Variants in RAB38 observed in about 807,000 individuals in gnomAD.
RAB38 encodes the protein ras-related protein Rab-38.
RAB38 carries 15 observed loss-of-function variants against 18.4 expected under a neutral mutation model. The ratio of observed to expected loss-of-function variants is 0.82; its 90% confidence interval spans 0.55 to 1.26. The LOEUF (loss-of-function observed/expected upper bound fraction) is 1.26, where lower values mean the gene tolerates loss of function less well. RAB38 is among the 50% of genes most tolerant of loss of function. The pLI is 0.00. For missense variants in RAB38, 294 were observed against 267.4 expected (o/e 1.10, Z -0.69); for synonymous variants, 101 against 104.4 (o/e 0.97, Z 0.20).
chr11:88,052,937 T>A, the RAB38 span, among the ~76,000 whole-genome samples: 1 of 111,406 alleles, frequency 9.0e-6, no homozygotes, highest in Admixed American at 1.1e-4. Context: ...TATATATATA[T>A]ATATATAAAT....
At chr11:87,966,403 A>G in the RAB38 span, among the ~76,000 whole-genome samples, 1 of 152,168 alleles carries the variant, frequency 6.6e-6, no homozygotes, top group Non-Finnish European at 1.5e-5. Flanking sequence ...CTGGGCTCCA[A>G]GGGAAAAGAG....
At chr11:87,886,444 G>C in the RAB38 span, among the ~76,000 whole-genome samples, 2 of 151,860 alleles carry the variant, frequency 1.3e-5, no homozygotes, top group African/African-American at 4.8e-5. Context: ...CCAGGGTTGG[G>C]CTTGAATTTC....
chr11:87,900,727 G>A, the RAB38 span, among the ~76,000 whole-genome samples: 5 of 149,930 alleles, frequency 3.3e-5, no homozygotes, highest in Non-Finnish European at 3.0e-5. Flanking sequence ...AGGTAGGGAA[G>A]AAGGAAGAGG....
the RAB38 span, among the ~76,000 whole-genome samples, chr11:88,088,735 G>A: frequency 5.9e-3 from 902 of 151,942 alleles, 5 homozygotes; most frequent in Non-Finnish European, 9.4e-3. Context: ...TGAGAATGAA[G>A]GTGGGCAGGT....
chr11:87,941,125 G>T, the RAB38 span, among the ~76,000 whole-genome samples: 1 of 146,374 alleles, frequency 6.8e-6, no homozygotes, highest in African/African-American at 2.5e-5. Flanking sequence ...TATATTAGAC[G>T]CTAATTATTT....
the RAB38 span, among the ~76,000 whole-genome samples, chr11:87,934,432 C>T: frequency 6.6e-6 from 1 of 152,028 alleles, no homozygotes; most frequent in African/African-American, 2.4e-5. Flanking sequence ...ATATGCTAAC[C>T]TCATAGGTAG....
chr11:87,887,498 G>T, the RAB38 span, among the ~76,000 whole-genome samples: 1 of 151,944 alleles, frequency 6.6e-6, no homozygotes, highest in African/African-American at 2.4e-5. Context: ...TAAAGTCTGA[G>T]CACCCTGGGT....
chr11:88,065,569 T>C, the RAB38 span, among the ~76,000 whole-genome samples: 6 of 152,172 alleles, frequency 3.9e-5, no homozygotes, highest in Non-Finnish European at 7.3e-5. Context: ...CATTTCATAG[T>C]AGGGAACAGA....
At chr11:87,902,755 G>T in the RAB38 span, among the ~76,000 whole-genome samples, 1 of 151,044 alleles carries the variant, frequency 6.6e-6, no homozygotes. Flanking sequence ...TTATGTCTAA[G>T]CGTTTTGCAT....
At chr11:87,881,136 G>T in the RAB38 span, among the ~76,000 whole-genome samples, 1 of 151,748 alleles carries the variant, frequency 6.6e-6, no homozygotes, top group African/African-American at 2.4e-5. Flanking sequence ...GAGACATCAT[G>T]CCCAGACTGC....
chr11:87,864,963 A>G, the RAB38 span, among the ~76,000 whole-genome samples: 1 of 151,790 alleles, frequency 6.6e-6, no homozygotes, highest in Non-Finnish European at 1.5e-5. Flanking sequence ...TTATAATTTG[A>G]TTGAGTAAAC....
At chr11:87,920,862 G>T in the RAB38 span, among the ~76,000 whole-genome samples, 2 of 152,042 alleles carry the variant, frequency 1.3e-5, no homozygotes, top group African/African-American at 4.8e-5. Flanking sequence ...TTTCCTTGAT[G>T]AATTGATTCC....
chr11:88,110,113 C>G (rs1942453527), downstream of RAB38, among the ~76,000 whole-genome samples: 1 of 152,132 alleles, frequency 6.6e-6, no homozygotes, highest in African/African-American at 2.4e-5. Flanking sequence ...GACTTGGAAC[C>G]AACCCAAATG....
At chr11:88,152,984 G>C (rs1009069125) in intron 1 of RAB38, among the ~76,000 whole-genome samples, 1 of 152,236 alleles carries the variant, frequency 6.6e-6, no homozygotes, top group African/African-American at 2.4e-5. Context: ...TAGCAGTGTA[G>C]ATGTGGCTCA....
the RAB38 span, among the ~76,000 whole-genome samples, chr11:87,810,987 A>G: frequency 6.6e-6 from 1 of 152,146 alleles, no homozygotes; most frequent in Non-Finnish European, 1.5e-5. Flanking sequence ...ACAGGAAAGA[A>G]AGGAAAAGTT....
At chr11:87,847,679 CTCATGCACAGGATGCTTTGGTT>C in the RAB38 span, among the ~76,000 whole-genome samples, 1 of 152,006 alleles carries the variant, frequency 6.6e-6, no homozygotes, top group Non-Finnish European at 1.5e-5. Flanking sequence ...CAGAACAAGA[CTCATGCACAGGATGCTTTGGTT>C]TCATGACCAA....
At chr11:87,887,935 T>TC in the RAB38 span, among the ~76,000 whole-genome samples, 1 of 151,520 alleles carries the variant, frequency 6.6e-6, no homozygotes, top group Non-Finnish European at 1.5e-5. Context: ...TTGGTGCATT[T>TC]TTTATACAAC....
At chr11:88,117,465 ATCC>A (rs1942571136) in intron 2 of RAB38, among the ~76,000 whole-genome samples, 1 of 152,196 alleles carries the variant, frequency 6.6e-6, no homozygotes, top group African/African-American at 2.4e-5. Context: ...GCCTGTACAG[ATCC>A]TTAGCACTTT....
the RAB38 span, among the ~76,000 whole-genome samples, chr11:87,920,141 T>C: frequency 4.6e-5 from 7 of 151,958 alleles, no homozygotes; most frequent in Non-Finnish European, 1.0e-4. Context: ...CTGTATTTTA[T>C]TTATTTCTGC....
Sources: allele counts gnomAD v4.1 joint callset (sites outside exome capture counted in the v4.1 genomes callset), GRCh38; gene constraint gnomAD v4.1.1; transcripts MANE v1.5; gene names NCBI Gene and HGNC (gene_info 2026-07-23, HGNC 2026-07-21).